The following PTPRM variants were observed in gnomAD, a reference collection of about 807,000 sequenced individuals.
PTPRM encodes receptor-type tyrosine-protein phosphatase mu.
PTPRM carries 47 observed loss-of-function variants against 186.7 expected under a neutral mutation model. The ratio of observed to expected loss-of-function variants is 0.25; its 90% confidence interval spans 0.20 to 0.32. The LOEUF is 0.32. Ranked by LOEUF, PTPRM falls within the 10% of genes least tolerant of loss-of-function variation. The pLI is 1.00. For synonymous variants in PTPRM, 668 were observed against 674.9 expected (o/e 0.99, Z 0.16); for missense variants, 1,494 against 1,865.0 (o/e 0.80, Z 3.66).
chr18:8,136,031 G>A (rs917805397), intron 13 of PTPRM, among the ~76,000 whole-genome samples: 10 of 152,188 alleles, frequency 6.6e-5, no homozygotes, highest in African/African-American at 2.2e-4. Flanking sequence ...AGGTAAACAC[G>A]AGGTCTAGAC....
At chr18:8,012,989 A>G (rs1247776926) in intron 7 of PTPRM, among the ~76,000 whole-genome samples, 1 of 152,016 alleles carries the variant, frequency 6.6e-6, no homozygotes. Flanking sequence ...TGGTAGCAAA[A>G]GGCCATTTGC....
chr18:7,974,524 A>G (rs2147350304), intron 7 of PTPRM, among the ~76,000 whole-genome samples: 1 of 152,334 alleles, frequency 6.6e-6, no homozygotes, highest in East Asian at 1.9e-4. Context: ...AAATGCCCCT[A>G]TAGGCTAACA....
intron 2 of PTPRM, among the ~76,000 whole-genome samples, chr18:7,785,457 G>A (rs73939373): frequency 0.084 from 12,708 of 152,040 alleles, 1,586 homozygotes; most frequent in African/African-American, 0.27. Context: ...GAGAGAGAGC[G>A]CGCATGTGTG....
chr18:7,863,759 C>T (rs531576746), intron 2 of PTPRM, among the ~76,000 whole-genome samples: 81 of 152,232 alleles, frequency 5.3e-4, no homozygotes, highest in African/African-American at 1.9e-3. Flanking sequence ...GTTCTAGATC[C>T]TTGAGGAATC....
intron 14 of PTPRM, among the ~76,000 whole-genome samples, chr18:8,207,338 T>A (rs1397474578): frequency 6.6e-6 from 1 of 152,280 alleles, no homozygotes; most frequent in East Asian, 1.9e-4. Context: ...TCAGGTAAAT[T>A]AATATACTTA....
At chr18:7,600,483 T>C (rs1486431781) in intron 1 of PTPRM, among the ~76,000 whole-genome samples, 2 of 152,222 alleles carry the variant, frequency 1.3e-5, no homozygotes, top group African/African-American at 4.8e-5. Context: ...CTGACTTTAC[T>C]TGCAAATGCA....
At chr18:8,185,127 C>T (rs8085366) in intron 14 of PTPRM, among the ~76,000 whole-genome samples, 16,012 of 151,730 alleles carry the variant, frequency 0.11, 1,023 homozygotes, top group Middle Eastern at 0.27. Flanking sequence ...TAGAATTAAA[C>T]CCACTAATTT....
At chr18:7,711,887 G>A (rs1355406816) in intron 1 of PTPRM, among the ~76,000 whole-genome samples, 1 of 152,188 alleles carries the variant, frequency 6.6e-6, no homozygotes, top group Non-Finnish European at 1.5e-5. Flanking sequence ...CCAGGGGGAA[G>A]GGGTGGCTGT....
chr18:7,873,258 A>G (rs552897970), intron 2 of PTPRM, among the ~76,000 whole-genome samples: 2 of 152,332 alleles, frequency 1.3e-5, no homozygotes, highest in South Asian at 4.1e-4. Flanking sequence ...AAAGCTGAAG[A>G]TGACCCTAAT....
At position 8,007,919 on chromosome 18, in the gene PTPRM, T is replaced by C. The variant is rs181823562; in HGVS notation, c.1132+52505T>C. ...GAGAGGAATCGATCTTTTTTATTCA[T>C]TGAGTTCCCCTTGGTAAGTGCGTTC... On this transcript the variant is annotated intron_variant, in intron 7 of 32. Transcript: ENST00000580170. 2.9e-3 allele frequency among the ~76,000 whole-genome samples: 449 copies of C among 152,344 alleles called. 2 individuals are homozygous for C. Among genetic ancestry groups the C allele is most frequent in the African/African-American group, 0.011 (438 of 41,582 alleles).
chr18:8,145,647 T>A (rs2146150072), intron 14 of PTPRM, among the ~76,000 whole-genome samples: 1 of 152,380 alleles, frequency 6.6e-6, no homozygotes, highest in East Asian at 1.9e-4. Flanking sequence ...GCAGAGGACA[T>A]GAACTCATCC....
At chr18:7,615,773 A>C (rs147770982) in intron 1 of PTPRM, among the ~76,000 whole-genome samples, 2 of 152,268 alleles carry the variant, frequency 1.3e-5, no homozygotes, top group African/African-American at 4.8e-5. Flanking sequence ...CTATTATTAC[A>C]TTGTAATATA....
intron 11 of PTPRM, among the ~76,000 whole-genome samples, chr18:8,102,821 A>C (rs1290906514): frequency 6.6e-6 from 1 of 152,240 alleles, no homozygotes; most frequent in African/African-American, 2.4e-5. Context: ...CCATTAGAGG[A>C]ATAATTATAT....
intron 2 of PTPRM, among the ~76,000 whole-genome samples, chr18:7,824,021 G>A (rs534044713): frequency 6.6e-6 from 1 of 152,282 alleles, no homozygotes; most frequent in Non-Finnish European, 1.5e-5. Flanking sequence ...CTGTACAAGA[G>A]CCAAAGGAGT....
intron 1 of PTPRM, among the ~76,000 whole-genome samples, chr18:7,743,929 CT>C (rs1324062549): frequency 6.6e-5 from 10 of 151,958 alleles, no homozygotes; most frequent in Admixed American, 2.0e-4. Flanking sequence ...CCCGAAATAA[CT>C]GCAAAATTCA....
chr18:7,645,640 G>C (rs966712558), intron 1 of PTPRM, among the ~76,000 whole-genome samples: 5 of 152,178 alleles, frequency 3.3e-5, no homozygotes, highest in African/African-American at 1.2e-4. Context: ...ACTGTGGAAT[G>C]CTACTCATTT....
chr18:7,589,830 T>C (rs940211936), intron 1 of PTPRM, among the ~76,000 whole-genome samples: 5 of 152,204 alleles, frequency 3.3e-5, no homozygotes, highest in Non-Finnish European at 7.3e-5. Context: ...TGTAAGTAAA[T>C]GTTTTGGACA....
intron 13 of PTPRM, among the ~76,000 whole-genome samples, chr18:8,128,376 T>C (rs570575832): frequency 4.0e-4 from 61 of 152,280 alleles, no homozygotes; most frequent in African/African-American, 1.3e-3. Flanking sequence ...CGGAAGTTAA[T>C]ATAGAGGGTT....
At chr18:8,318,208 A>G (rs2148056102) in intron 21 of PTPRM, among the ~76,000 whole-genome samples, 1 of 146,780 alleles carries the variant, frequency 6.8e-6, no homozygotes, top group African/African-American at 2.5e-5. Context: ...CCATGGTGAT[A>G]TGTTAGCTGG....
Sources: allele counts gnomAD v4.1 joint callset (sites outside exome capture counted in the v4.1 genomes callset), GRCh38; gene constraint gnomAD v4.1.1; transcripts MANE v1.5; gene names NCBI Gene and HGNC (gene_info 2026-07-23, HGNC 2026-07-21).